Variants in NRROS observed in about 807,000 individuals in gnomAD.
The protein encoded by NRROS is negative regulator of reactive oxygen species.
Under a neutral mutation model 12.0 loss-of-function variants are expected in NRROS, and 6 were observed. The ratio of observed to expected loss-of-function variants is 0.50; its 90% CI spans 0.27 to 0.98. The LOEUF (loss-of-function observed/expected upper bound fraction) is 0.98, where lower values mean the gene tolerates loss of function less well. NRROS is among the 50% of genes least tolerant of loss of function. The pLI, the probability that NRROS is intolerant of heterozygous loss-of-function variation, is 0.11. For synonymous variants in NRROS, 462 were observed against 410.2 expected (o/e 1.13, Z -1.53); for missense variants, 857 against 888.2 (o/e 0.96, Z 0.45).
chr3:196,657,601 G>T (rs896567836), intron 2 of NRROS, among the ~76,000 whole-genome samples: 2 of 151,802 alleles, frequency 1.3e-5, no homozygotes, highest in African/African-American at 4.8e-5. Context: ...CAGCTACGTG[G>T]GAGGCTAAGG....
rs77865386 is a variant in NRROS at position 196,661,988 on chromosome 3, A to G, written c.*266A>G. ...AAATAAAAGGCAACGTGTCTCATAA[A>G]TATTTTTTAAATTAAATGCAGCTTG... On this transcript the variant is annotated 3_prime_UTR_variant, in exon 3 of 3. Coordinates refer to ENST00000328557, the MANE Select transcript of NRROS (RefSeq NM_198565.3). The G allele has an allele frequency of 5.6e-3, 1,853 of 329,630 alleles. 36 individuals carry two copies. Among genetic ancestry groups the G allele is most frequent in the African/African-American group, 0.038 (1,754 of 45,778 alleles). The allele number at this position is 329,630 out of a possible 1,614,324, so 20.4% of individuals were successfully genotyped here.
rs773665145 is a variant in NRROS at position 196,660,117 on chromosome 3, G to A, written c.474G>A (p.Ser158=). The A allele has an allele frequency of 1.2e-6, 2 of 1,613,000 alleles. No homozygotes were observed. The highest frequency in any genetic ancestry group is 1.7e-6 in the Non-Finnish European group (2 of 1,179,914). ...CCCTCATGCTCCAGAACCTCTCCTCGCTGCGGTCCGTGTCCCTGGCGGGGA... is the reference window on the plus strand; with the variant it reads ...CCCTCATGCTCCAGAACCTCTCCTCACTGCGGTCCGTGTCCCTGGCGGGGA... ...MAALMLQNLS[S]LRSVSLAGNT... is the part of the protein sequence containing the mutation. The change falls in exon 3 of 3, where the codon TCG becomes TCA. Residue 158 remains serine, a synonymous_variant. Coordinates refer to ENST00000328557, the MANE Select transcript of NRROS (RefSeq NM_198565.3). This position sits in a 1 kb window ranked among gnomAD's most constrained non-coding sequence, Gnocchi z 7.7.
At chr3:196,649,182 G>A (rs1737365018) in intron 1 of NRROS, among the ~76,000 whole-genome samples, 4 of 152,304 alleles carry the variant, frequency 2.6e-5, no homozygotes, top group Admixed American at 2.0e-4. Flanking sequence ...ACTTCCCAGT[G>A]CTTCCTGGAG....
chr3:196,645,311 G>A (rs970682058), intron 1 of NRROS, among the ~76,000 whole-genome samples: 1 of 152,158 alleles, frequency 6.6e-6, no homozygotes, highest in Admixed American at 6.5e-5. Context: ...ATTTAGTCAA[G>A]GGTCGCAGGC....
rs971980384 is a variant in NRROS, at chr3:196,661,339, C to T, written c.1696C>T (p.Arg566Cys). 7 of 1,586,370 alleles carry T rather than the reference C, an allele frequency of 4.4e-6. No individual in the cohort carries two copies. The highest frequency in any genetic ancestry group is 1.3e-5 in the African/African-American group (1 of 74,280). Reference protein sequence around the residue: ...GSLALETLDLRRNSLTALPQK... With the variant: ...GSLALETLDLCRNSLTALPQK... The stretch of plus-strand genomic sequence containing the variant: ...CCTGGCCCTGGAGACCCTGGATCTC[C>T]GTAGAAACTCGCTCACAGCCCTTCC... Residue 566 changes from arginine (R) to cysteine (C), a missense_variant, in exon 3 of 3, where the codon CGT becomes TGT. Physicochemically the swap from Arg to Cys is radical, Grantham distance 180 (BLOSUM62 -3). Transcript: ENST00000328557.
intron 1 of NRROS, among the ~76,000 whole-genome samples, chr3:196,647,627 C>T (rs972887775): frequency 9.2e-5 from 14 of 152,160 alleles, no homozygotes; most frequent in African/African-American, 3.4e-4. Flanking sequence ...GGCATGATCT[C>T]GGCTCACTGC....
At chr3:196,650,052 T>A (rs966167842) in intron 1 of NRROS, among the ~76,000 whole-genome samples, 2 of 152,180 alleles carry the variant, frequency 1.3e-5, no homozygotes, top group Non-Finnish European at 2.9e-5. Context: ...CTGGCCGGGA[T>A]AACAATTCAG....
chr3:196,660,334 C>A lies in NRROS; in HGVS notation c.691C>A (p.Leu231Ile), dbSNP rs1435879638. ...VDFGLTRLRV[L>I]NVSYNVLEWF... ...CTTCGGGCTCACGCGGCTGCGGGTC[C>A]TCAACGTCAGCTACAACGTCCTGGA... Residue 231 changes from leucine to isoleucine, a missense_variant, in exon 3 of 3, where the codon CTC becomes ATC. By Grantham distance (5) the Leu-to-Ile change is conservative. Transcript: ENST00000328557. The surrounding 1 kb of genome is among the most constrained non-coding windows in gnomAD (Gnocchi z 7.7). 1 of 1,614,080 alleles carries A rather than the reference C, an allele frequency of 6.2e-7. No homozygotes were observed. The highest frequency in any genetic ancestry group is 2.2e-5 in the East Asian group (1 of 44,884).
chr3:196,661,574 A>G lies in NRROS; in HGVS notation c.1931A>G (p.Glu644Gly). The G allele has an allele frequency of 2.5e-6, 4 of 1,613,876 alleles. No individual in the cohort carries two copies. The highest frequency in any genetic ancestry group is 3.4e-6 in the Non-Finnish European group (4 of 1,179,990). ...GGTGTGCCTCGGGACTGCAAGTGGG[A>G]GCGGCTGGACCTGGGCCTGCTCTAC... Reference protein sequence around the residue: ...PGGVPRDCKWERLDLGLLYLV... With the variant: ...PGGVPRDCKWGRLDLGLLYLV... The change falls in exon 3 of 3, where the codon GAG becomes GGG. Residue 644 changes from glutamate to glycine, a missense_variant. Physicochemically the swap from Glu to Gly is moderately conservative, Grantham distance 98. Transcript: ENST00000328557.
intron 1 of NRROS, among the ~76,000 whole-genome samples, chr3:196,648,416 T>C (rs1460568984): frequency 2.6e-5 from 4 of 152,164 alleles, no homozygotes; most frequent in African/African-American, 9.7e-5. Flanking sequence ...ACTCATCACT[T>C]AGTGCCTATT....
intron 2 of NRROS, among the ~76,000 whole-genome samples, chr3:196,659,005 A>G (rs1224702992): frequency 6.6e-6 from 1 of 152,184 alleles, no homozygotes; most frequent in African/African-American, 2.4e-5. Context: ...TTTTTGTCCT[A>G]GACACCTAAA....
chr3:196,647,959 C>G (rs1737343660), intron 1 of NRROS, among the ~76,000 whole-genome samples: 1 of 152,220 alleles, frequency 6.6e-6, no homozygotes, highest in Non-Finnish European at 1.5e-5. Flanking sequence ...ACCTCGGACT[C>G]CCAAAGTGCT....
intron 1 of NRROS, among the ~76,000 whole-genome samples, chr3:196,646,850 G>C (rs1358544250): frequency 1.3e-5 from 2 of 152,186 alleles, no homozygotes; most frequent in East Asian, 1.9e-4. Context: ...ACCAGTGCTG[G>C]GAACCATGGC....
chr3:196,640,762 G>T (rs892922011), intron 1 of NRROS, among the ~76,000 whole-genome samples: 2 of 152,168 alleles, frequency 1.3e-5, no homozygotes. Flanking sequence ...TGGTGGCTGC[G>T]ACTGGAGGAG....
Position 196,660,760 on chromosome 3 carries a change from G to A in NRROS, c.1117G>A (p.Glu373Lys), listed in dbSNP as rs1239560651. Residue 373 changes from glutamate (E) to lysine (K), a missense_variant, in exon 3 of 3, where the codon GAG (glutamate) becomes AAG (lysine). Transcript: ENST00000328557. The surrounding 1 kb of genome is among the most constrained non-coding windows in gnomAD (Gnocchi z 7.7). ...GATGACGCTTCACATTCGGGAGCAC[G>A]AGCCCCCCGGAGCGCTCACCGAGCT... ...CLMTLHIREH[E>K]PPGALTELDL... The A allele has an allele frequency of 1.9e-6, 3 of 1,613,658 alleles. No homozygotes were observed. Among genetic ancestry groups the A allele is most frequent in the Non-Finnish European group, 2.5e-6 (3 of 1,180,022 alleles).
chr3:196,659,642 G>A, intron 2 of NRROS, 110 bp from the exon 3 acceptor site: 1 of 1,115,372 alleles, frequency 9.0e-7, no homozygotes, highest in South Asian at 1.6e-5. Flanking sequence ...AACATCTCTA[G>A]AGCCATCCCC....
intron 1 of NRROS, among the ~76,000 whole-genome samples, chr3:196,651,253 C>T (rs1271472821): frequency 6.6e-6 from 1 of 152,208 alleles, no homozygotes; most frequent in Non-Finnish European, 1.5e-5. Context: ...TCATTACATA[C>T]TTTTAATTTA....
rs1446445186 is a variant in NRROS at position 196,659,875 on chromosome 3, C to T, written c.232C>T (p.Gln78Ter). The T allele has an allele frequency of 1.2e-6, 2 of 1,614,052 alleles. No individual in the cohort carries two copies. The highest frequency in any genetic ancestry group is 1.7e-6 in the Non-Finnish European group (2 of 1,180,008). ...CAAGACCCTGTGGAATCACTCCCTC[C>T]AGCCTTACCCTCTCCTGGAGAGCCT... Reference protein sequence around the residue: ...PLKTLWNHSLQPYPLLESLSL... With the variant: ...PLKTLWNHSL The change falls in exon 3 of 3, where the codon CAG (glutamine) becomes TAG (stop). Residue 78 changes from glutamine to a stop codon, truncating the protein, a stop_gained. Coordinates refer to ENST00000328557, the MANE Select transcript of NRROS (RefSeq NM_198565.3). LOFTEE classifies it low-confidence loss of function (END_TRUNC).
At chr3:196,641,076 T>C (rs1577626026) in intron 1 of NRROS, among the ~76,000 whole-genome samples, 2 of 151,720 alleles carry the variant, frequency 1.3e-5, no homozygotes, top group East Asian at 3.9e-4. Context: ...TGCCCGAGAG[T>C]CCCTAAAGGA....
Sources: allele counts gnomAD v4.1 joint callset (sites outside exome capture counted in the v4.1 genomes callset), GRCh38; gene constraint gnomAD v4.1.1; non-coding constraint Gnocchi (gnomAD v3.1); transcripts MANE v1.5; gene names NCBI Gene and HGNC (gene_info 2026-07-23, HGNC 2026-07-21).